ATRNL1: variants seen among roughly 807,000 people sequenced by gnomAD.
The protein encoded by ATRNL1 is attractin like 1.
In ATRNL1, 95 loss-of-function variants were observed where a neutral mutation model predicts 182.7. That is an observed-to-expected ratio of 0.52 (90% CI 0.44 to 0.62). The LOEUF (loss-of-function observed/expected upper bound fraction) is 0.62. ATRNL1 is among the 20% of genes least tolerant of loss of function. ATRNL1 has a pLI of 0.00. For synonymous variants in ATRNL1, 576 were observed against 568.3 expected (o/e 1.01, Z -0.19); for missense variants, 1,471 against 1,679.5 (o/e 0.88, Z 2.17).
intron 26 of ATRNL1, among the ~76,000 whole-genome samples, chr10:115,597,202 G>A (rs1245349165): frequency 4.6e-5 from 7 of 152,020 alleles, no homozygotes; most frequent in African/African-American, 1.4e-4. Context: ...CTCAGTAGAC[G>A]AATGGTTACC....
chr10:115,548,593 T>C (rs11197291), intron 25 of ATRNL1, among the ~76,000 whole-genome samples: 1,663 of 152,288 alleles, frequency 0.011, 30 homozygotes, highest in African/African-American at 0.038. Context: ...AGGGTTGAGA[T>C]TGATTAATGA....
rs75002536 is a variant in ATRNL1, at chr10:115,317,885, A to T, written c.3037+2149A>T. On this transcript the variant is annotated intron_variant, in intron 18 of 28. Coordinates refer to ENST00000355044, the MANE Select transcript of ATRNL1 (RefSeq NM_207303.4). ...TTCTCTTCCTGTTTGAATACCCTTT[A>T]TTTCTTTCTCTTACCTGATAGCCCT... 2.0e-5 allele frequency among the ~76,000 whole-genome samples: 3 copies of T among 152,076 alleles called. No homozygotes were observed. In the South Asian group the frequency reaches 6.2e-4, roughly 31 times the overall value.
chr10:115,739,243 A>C (rs902475065), intron 27 of ATRNL1, among the ~76,000 whole-genome samples: 1 of 152,238 alleles, frequency 6.6e-6, no homozygotes, highest in African/African-American at 2.4e-5. Flanking sequence ...ATAATGTATT[A>C]TTTAAGCATA....
intron 26 of ATRNL1, among the ~76,000 whole-genome samples, chr10:115,608,751 T>C (rs1555018207): frequency 2.0e-5 from 3 of 152,080 alleles, no homozygotes; most frequent in African/African-American, 7.2e-5. Context: ...TTAAAAGGAT[T>C]AGGTTCAGCA....
chr10:115,917,024 A>G (rs1164177255), intron 28 of ATRNL1, among the ~76,000 whole-genome samples: 1 of 152,190 alleles, frequency 6.6e-6, no homozygotes, highest in Non-Finnish European at 1.5e-5. Context: ...GCTGCTATAT[A>G]CAGCCTTACA....
intron 5 of ATRNL1, among the ~76,000 whole-genome samples, chr10:115,134,381 A>G (rs1382697341): frequency 6.6e-6 from 1 of 152,212 alleles, no homozygotes; most frequent in Non-Finnish European, 1.5e-5. Flanking sequence ...CAGAGATACA[A>G]ACAACCATCA....
At chr10:115,540,063 G>A (rs1187623110) in intron 25 of ATRNL1, among the ~76,000 whole-genome samples, 2 of 151,578 alleles carry the variant, frequency 1.3e-5, no homozygotes, top group African/African-American at 2.4e-5. Context: ...CACCAACATG[G>A]CACACGTATA....
At chr10:115,305,036 A>T (rs1261147280) in intron 17 of ATRNL1, among the ~76,000 whole-genome samples, 1 of 151,572 alleles carries the variant, frequency 6.6e-6, no homozygotes, top group Non-Finnish European at 1.5e-5. Context: ...CATAATTCTG[A>T]GATCCCTGTT....
At chr10:115,521,868 T>G (rs1278499321) in intron 25 of ATRNL1, among the ~76,000 whole-genome samples, 1 of 152,242 alleles carries the variant, frequency 6.6e-6, no homozygotes, top group Non-Finnish European at 1.5e-5. Flanking sequence ...TTAAGTTTTA[T>G]AAAGCTACTG....
chr10:115,868,822 C>CTTTTTATTTTTTTTTTTTT (rs1951501212), intron 28 of ATRNL1, among the ~76,000 whole-genome samples: 2 of 58,084 alleles, frequency 3.4e-5, no homozygotes, highest in Non-Finnish European at 3.2e-5. Flanking sequence ...AGTCTTTATT[C>CTTTTTATTTTTTTTTTTTT]TTTTTTTTTT....
At chr10:115,500,054 G>A (rs1849742729) in intron 24 of ATRNL1, among the ~76,000 whole-genome samples, 1 of 152,222 alleles carries the variant, frequency 6.6e-6, no homozygotes, top group African/African-American at 2.4e-5. Flanking sequence ...TTATGTTTAT[G>A]AAGAGAAAAT....
At chr10:115,782,341 G>A (rs1433181764) in intron 27 of ATRNL1, among the ~76,000 whole-genome samples, 1 of 152,168 alleles carries the variant, frequency 6.6e-6, no homozygotes, top group Admixed American at 6.5e-5. Flanking sequence ...GGAATAAACA[G>A]GGCAAAATGA....
intron 14 of ATRNL1, among the ~76,000 whole-genome samples, chr10:115,283,568 G>T (rs1554917699): frequency 6.6e-6 from 1 of 152,146 alleles, no homozygotes; most frequent in Non-Finnish European, 1.5e-5. Flanking sequence ...CAGTAGGCAG[G>T]GTTTAAGAAG....
intron 19 of ATRNL1, among the ~76,000 whole-genome samples, chr10:115,353,580 G>T (rs549865218): frequency 1.3e-5 from 2 of 152,066 alleles, no homozygotes; most frequent in Non-Finnish European, 2.9e-5. Flanking sequence ...TTGTTGAAAG[G>T]TTAGGACTTA....
chr10:115,556,071 C>G lies in ATRNL1; in HGVS notation c.3795+6535C>G, dbSNP rs535344793. 2.6e-5 allele frequency among the ~76,000 whole-genome samples: 4 copies of G among 152,038 alleles called. No homozygotes were observed. The East Asian group carries it at 7.7e-4, about 29-fold the overall frequency. On this transcript the variant is annotated intron_variant, in intron 26 of 28. Coordinates refer to ENST00000355044, the MANE Select transcript of ATRNL1 (RefSeq NM_207303.4). ...ACTTTAGAGATAGCCTGAGTTTGAA[C>G]AAGTTGGTTTCATAATGGACCACTT... is the stretch of plus-strand genomic sequence containing the variant.
intron 27 of ATRNL1, among the ~76,000 whole-genome samples, chr10:115,815,051 C>T (rs1388343149): frequency 6.6e-6 from 1 of 152,036 alleles, no homozygotes; most frequent in Non-Finnish European, 1.5e-5. Context: ...CAAGACAACC[C>T]ACCTACAGAT....
chr10:115,758,754 T>C (rs1173395886), intron 27 of ATRNL1, among the ~76,000 whole-genome samples: 1 of 152,230 alleles, frequency 6.6e-6, no homozygotes. Flanking sequence ...AGGTGCTTTG[T>C]CCCAGGGAGC....
Position 115,821,925 on chromosome 10 carries a change from C to A in ATRNL1, c.3904-25952C>A, listed in dbSNP as rs782649525. Among the ~76,000 whole-genome samples, 5 of 152,072 alleles carry A rather than the reference C, an allele frequency of 3.3e-5. 1 individual carries two copies. In the South Asian group the frequency reaches 6.2e-4, roughly 19 times the overall value. On this transcript the variant is annotated intron_variant, in intron 27 of 28. Coordinates refer to ENST00000355044, the MANE Select transcript of ATRNL1 (RefSeq NM_207303.4). ...GACTTGAACTCAGCTCTGGACCAAG[C>A]GGAGATAATAGACATCTACAGAACT... is the stretch of plus-strand genomic sequence containing the variant.
At chr10:115,560,839 G>A (rs1219975932) in intron 26 of ATRNL1, among the ~76,000 whole-genome samples, 1 of 152,132 alleles carries the variant, frequency 6.6e-6, no homozygotes, top group Non-Finnish European at 1.5e-5. Flanking sequence ...TGAGAATCTA[G>A]AAATAAACTC....
Sources: gnomAD v4.1 joint callset for allele counts (sites outside exome capture counted in the v4.1 genomes callset) on GRCh38, gnomAD v4.1.1 for gene constraint, MANE v1.5 for transcripts, NCBI Gene and HGNC (gene_info 2026-07-23, HGNC 2026-07-21) for gene names.